DOCK5: variants seen among roughly 807,000 people sequenced by gnomAD.
DOCK5 encodes dedicator of cytokinesis protein 5.
In DOCK5, 142 loss-of-function variants were observed where a neutral mutation model predicts 251.8. That is an observed-to-expected ratio of 0.56 (90% CI 0.49 to 0.65). The LOEUF is 0.65. Among genes scored for constraint, DOCK5 ranks in the 30% least tolerant of loss-of-function variants. DOCK5 has a pLI of 0.00. For synonymous variants in DOCK5, 842 were observed against 835.5 expected (o/e 1.01, Z -0.13); for missense variants, 2,111 against 2,312.3 (o/e 0.91, Z 1.79).
At chr8:25,255,398 A>G (rs1164521494) in intron 2 of DOCK5, among the ~76,000 whole-genome samples, 2 of 152,250 alleles carry the variant, frequency 1.3e-5, no homozygotes, top group Non-Finnish European at 2.9e-5. Context: ...ATCAAGCCAT[A>G]AAAAGACATA....
intron 1 of DOCK5, among the ~76,000 whole-genome samples, chr8:25,205,603 A>G (rs1029616517): frequency 1.3e-5 from 2 of 152,190 alleles, no homozygotes; most frequent in African/African-American, 4.8e-5. Flanking sequence ...AATCTAGTGA[A>G]AGTAATTCAC....
rs183778898 is a variant in DOCK5, at chr8:25,187,317, A to G, written c.43+2366A>G. ...TACATATATATGTATATATGCGTAT[A>G]TGTGTGTGTGTGTATATATATATGT... is the stretch of plus-strand genomic sequence containing the variant. On this transcript the variant is annotated intron_variant, in intron 1 of 51. Transcript: ENST00000276440. Among the ~76,000 whole-genome samples, 24 of 145,880 alleles carry G rather than the reference A, an allele frequency of 1.6e-4. 1 individual carries two copies. In the East Asian group the frequency reaches 1.8e-3, roughly 11 times the overall value.
In DOCK5 at chr8:25,390,433, G is replaced by T. The variant is rs1801237377; in HGVS notation, c.4355+146G>T. The T allele has an allele frequency of 4.6e-6, 3 of 657,914 alleles. No homozygotes were observed. The Admixed American group carries it at 9.1e-5, about 20-fold the overall frequency. 40.8% of individuals were successfully genotyped at this position (657,914 alleles called of 1,614,324 possible). ...ACCAGCCTGGGCAACAAAGTGGGATGCTGTCTCTACAAAAAAGAGAAAAGT... is the reference window on the plus strand; with the variant it reads ...ACCAGCCTGGGCAACAAAGTGGGATTCTGTCTCTACAAAAAAGAGAAAAGT... On this transcript the variant is annotated intron_variant, in intron 42 of 51. Transcript: ENST00000276440.
At chr8:25,338,604 A>G (rs910188215) in intron 22 of DOCK5, among the ~76,000 whole-genome samples, 20 of 152,254 alleles carry the variant, frequency 1.3e-4, no homozygotes, top group Non-Finnish European at 2.8e-4. Flanking sequence ...CACATAATTT[A>G]TGCTCAGTCT....
At chr8:25,281,326 G>C (rs1177287744) in intron 5 of DOCK5, among the ~76,000 whole-genome samples, 1 of 151,932 alleles carries the variant, frequency 6.6e-6, no homozygotes, top group Non-Finnish European at 1.5e-5. Flanking sequence ...TACTCGGGAG[G>C]CTGAGGCAGG....
chr8:25,376,650 C>T (rs539890976), intron 37 of DOCK5: 1 of 154,316 alleles, frequency 6.5e-6, no homozygotes, highest in South Asian at 2.1e-4. Context: ...ATAGAATTTT[C>T]TTATCCAAAA....
chr8:25,357,239 A>G (rs1285319336), intron 27 of DOCK5, among the ~76,000 whole-genome samples: 2 of 151,982 alleles, frequency 1.3e-5, no homozygotes, highest in Admixed American at 1.3e-4. Context: ...AATACTCAGA[A>G]TAGGCAAGGT....
At chr8:25,346,463 G>A (rs1800368610) in intron 26 of DOCK5, among the ~76,000 whole-genome samples, 1 of 152,044 alleles carries the variant, frequency 6.6e-6, no homozygotes, top group African/African-American at 2.4e-5. Context: ...ACTTTCTCTG[G>A]AACCTAATGG....
chr8:25,208,502 A>G (rs1802054857), intron 1 of DOCK5, among the ~76,000 whole-genome samples: 1 of 152,238 alleles, frequency 6.6e-6, no homozygotes, highest in Admixed American at 6.5e-5. Context: ...ACCCTGATCC[A>G]TGAGCTGCTA....
At chr8:25,197,575 C>CTTTTTTTTTTTTT (rs541455591) in intron 1 of DOCK5, among the ~76,000 whole-genome samples, 1 of 108,308 alleles carries the variant, frequency 9.2e-6, no homozygotes, top group African/African-American at 4.1e-5. Flanking sequence ...GTGTCTTTGT[C>CTTTTTTTTTTTTT]TTTTTTTTTT....
intron 27 of DOCK5, among the ~76,000 whole-genome samples, chr8:25,354,257 TTA>T (rs1800528073): frequency 6.6e-6 from 1 of 152,152 alleles, no homozygotes; most frequent in African/African-American, 2.4e-5. Flanking sequence ...TGATATACTT[TTA>T]GAGTATTTTA....
chr8:25,298,676 C>G (rs185989030), intron 7 of DOCK5, among the ~76,000 whole-genome samples: 34 of 152,110 alleles, frequency 2.2e-4, no homozygotes, highest in Non-Finnish European at 4.0e-4. Flanking sequence ...TCATAACTCA[C>G]TCACTGCAGC....
At chr8:25,341,286 C>T (rs1197548149) in intron 23 of DOCK5, among the ~76,000 whole-genome samples, 6 of 152,158 alleles carry the variant, frequency 3.9e-5, no homozygotes, top group African/African-American at 9.7e-5. Flanking sequence ...CAATGCACTA[C>T]AGGTGACAAA....
Position 25,317,118 on chromosome 8 carries a change from G to T in DOCK5, c.1430G>T (p.Gly477Val), listed in dbSNP as rs1435603559. The change falls in exon 14 of 52, where the codon GGC becomes GTC. Residue 477 changes from glycine (G) to valine (V), a missense_variant. Gly to Val is a moderately radical substitution (Grantham distance 109). Around this residue, in one of 3 missense-constraint regions of DOCK5, gnomAD observed 1,717 missense variants for 1,892.4 expected, o/e 0.91. Coordinates refer to ENST00000276440, the MANE Select transcript of DOCK5 (RefSeq NM_024940.8). ...EVTMSVHDEE[G>V]KLLEKAIHPG... Reference sequence around the variant, plus strand: ...ACGATGTCTGTGCACGATGAGGAGGGCAAGCTCTTGGAGGTGCGCGGCATG... The same window carrying T: ...ACGATGTCTGTGCACGATGAGGAGGTCAAGCTCTTGGAGGTGCGCGGCATG... 6.2e-7 allele frequency: 1 copy of T among 1,613,646 alleles called. No homozygotes were observed. The highest frequency in any genetic ancestry group is 8.5e-7 in the Non-Finnish European group (1 of 1,179,752).
chr8:25,191,972 G>C (rs1459441171), intron 1 of DOCK5, among the ~76,000 whole-genome samples: 5 of 135,122 alleles, frequency 3.7e-5, no homozygotes, highest in African/African-American at 1.4e-4. Context: ...CTGTGTCCAA[G>C]TGTTCTCATT....
intron 34 of DOCK5, among the ~76,000 whole-genome samples, chr8:25,370,317 G>C (rs1299438777): frequency 6.6e-6 from 1 of 152,178 alleles, no homozygotes; most frequent in East Asian, 1.9e-4. Flanking sequence ...TAAGAGTTTG[G>C]CTTTAGTCCA....
rs537151802 is a variant in DOCK5 at position 25,318,744 on chromosome 8, A to G, written c.1444-834A>G. ...GGCTGCATGGCCTCTGCTGAACTCCACCTCTTCTCGTATGAGCCGTAGTTA... is the reference window on the plus strand; with the variant it reads ...GGCTGCATGGCCTCTGCTGAACTCCGCCTCTTCTCGTATGAGCCGTAGTTA... On this transcript the variant is annotated intron_variant, in intron 14 of 51. Transcript: ENST00000276440. Among the ~76,000 whole-genome samples the G allele has an allele frequency of 6.0e-5, 9 of 149,656 alleles. No homozygotes were observed. In the East Asian group the frequency reaches 1.8e-3, roughly 29 times the overall value.
chr8:25,370,789 C>T (rs760926150), intron 34 of DOCK5, among the ~76,000 whole-genome samples: 7 of 152,094 alleles, frequency 4.6e-5, no homozygotes, highest in Middle Eastern at 3.4e-3. Flanking sequence ...TGTAGGCGTG[C>T]ACCACCATGC....
intron 1 of DOCK5, among the ~76,000 whole-genome samples, chr8:25,231,028 G>A (rs1414191279): frequency 6.6e-6 from 1 of 152,028 alleles, no homozygotes; most frequent in Non-Finnish European, 1.5e-5. Context: ...CACCCTGGAT[G>A]TAAACATACC....
Sources: allele counts gnomAD v4.1 joint callset (sites outside exome capture counted in the v4.1 genomes callset), GRCh38; gene constraint gnomAD v4.1.1; regional missense constraint gnomAD v4.1.1; transcripts MANE v1.5; gene names NCBI Gene and HGNC (gene_info 2026-07-23, HGNC 2026-07-21).